Variants in ST8SIA2 observed in about 807,000 individuals in gnomAD.
The protein encoded by ST8SIA2 is ST8 alpha-N-acetyl-neuraminide alpha-2,8-sialyltransferase 2.
In ST8SIA2, 22 loss-of-function variants were observed where a neutral mutation model predicts 37.6. The observed-to-expected ratio is 0.58, with a 90% CI of 0.42 to 0.83. ST8SIA2 has a LOEUF of 0.83. Ranked by LOEUF, ST8SIA2 falls within the 40% of genes least tolerant of loss-of-function variation. The pLI is 0.00. For missense variants in ST8SIA2, 382 were observed against 484.7 expected, an observed-to-expected ratio of 0.79 and a Z score of 1.99; for synonymous variants, 205 against 201.2, an observed-to-expected ratio of 1.02 and a Z score of -0.16.
intron 1 of ST8SIA2, among the ~76,000 whole-genome samples, chr15:92,409,710 C>G (rs114476185): frequency 0.02 from 2,991 of 152,278 alleles, 109 homozygotes; most frequent in African/African-American, 0.066. Flanking sequence ...CCAATCTGCT[C>G]CTGATTAGGT....
rs1291214649 is a variant in ST8SIA2, at chr15:92,396,454, T to C, written c.98+2292T>C. On this transcript the variant is annotated intron_variant, in intron 1 of 5. Coordinates refer to ENST00000268164, the MANE Select transcript of ST8SIA2 (RefSeq NM_006011.4). ...CTGCTTACAAGTGAGGGGTTTCTTT[T>C]TGTTTGTTTGTTTTTGTTTTTTTTT... 3.3e-5 allele frequency among the ~76,000 whole-genome samples: 5 copies of C among 150,976 alleles called. No individual in the cohort carries two copies. The South Asian group carries it at 6.3e-4, about 19-fold the overall frequency.
rs140895069 is a variant in ST8SIA2 at position 92,409,944 on chromosome 15, G to A, written c.98+15782G>A. Among the ~76,000 whole-genome samples, 393 of 152,380 alleles carry A rather than the reference G, an allele frequency of 2.6e-3. 3 individuals are homozygous for A. The highest frequency in any genetic ancestry group is 0.022 in the East Asian group (115 of 5,184). ...GTACAGCATAGGGAAGGTGCTCATG[G>A]AGTTTGTGATCTGGTGGGGGAGCGA... On this transcript the variant is annotated intron_variant, in intron 1 of 5. Coordinates refer to ENST00000268164, the MANE Select transcript of ST8SIA2 (RefSeq NM_006011.4).
intron 1 of ST8SIA2, among the ~76,000 whole-genome samples, chr15:92,395,069 C>T (rs1445351958): frequency 1.3e-5 from 2 of 151,784 alleles, no homozygotes; most frequent in African/African-American, 4.9e-5. Context: ...GAGACTCGCG[C>T]CCCGCCCCGC....
At chr15:92,461,780 TG>T (rs2049959444) in intron 5 of ST8SIA2, among the ~76,000 whole-genome samples, 1 of 152,128 alleles carries the variant, frequency 6.6e-6, no homozygotes, top group South Asian at 2.1e-4. Context: ...GAGAAATGCC[TG>T]GGGGGCTACT....
At position 92,444,897 on chromosome 15, in the gene ST8SIA2, C is replaced by A. The variant is rs1375310199; in HGVS notation, c.810C>A (p.Tyr270Ter). The stretch of plus-strand genomic sequence containing the variant: ...ACCACGTCAACGTGCGCACTGCATA[C>A]CCCTCGCTGCGCCTGCTGCACGCCG... The part of the protein sequence containing the change: ...LKHHVNVRTA[Y>*]PSLRLLHAVR... The change falls in exon 5 of 6, where the codon TAC becomes TAA. Residue 270 changes from tyrosine (Y) to a stop codon, truncating the protein, a stop_gained. Transcript: ENST00000268164. LOFTEE classifies it high-confidence loss of function. The A allele has an allele frequency of 3.7e-6, 6 of 1,612,964 alleles. No homozygotes were observed. The highest frequency in any genetic ancestry group is 5.1e-6 in the Non-Finnish European group (6 of 1,180,046).
At chr15:92,422,666 G>A (rs532939034) in intron 1 of ST8SIA2, 4 of 152,772 alleles carry the variant, frequency 2.6e-5, no homozygotes, top group Admixed American at 2.6e-4. Context: ...GTCAACCAAG[G>A]CTGCGGCCCC....
chr15:92,443,631 T>C (rs3784734), intron 4 of ST8SIA2, among the ~76,000 whole-genome samples: 82,351 of 151,500 alleles, frequency 0.54, 23,206 homozygotes, highest in East Asian at 0.73. Flanking sequence ...ACAGGTCCTT[T>C]GATATCTCAC....
chr15:92,416,860 T>A (rs541047569), intron 1 of ST8SIA2, among the ~76,000 whole-genome samples: 1 of 152,308 alleles, frequency 6.6e-6, no homozygotes, highest in South Asian at 2.1e-4. Flanking sequence ...ACTCCATCCA[T>A]GAAAGCTGCA....
chr15:92,427,207 A>G (rs1363642918), intron 1 of ST8SIA2, among the ~76,000 whole-genome samples: 1 of 148,210 alleles, frequency 6.7e-6, no homozygotes, highest in African/African-American at 2.5e-5. Context: ...ATATATACAC[A>G]GTTTGTTTGT....
rs2141839465 is a variant in ST8SIA2 at position 92,444,902 on chromosome 15, C to T, written c.815C>T (p.Ser272Leu). Residue 272 changes from serine (S) to leucine (L), a missense_variant, in exon 5 of 6, where the codon TCG becomes TTG. Coordinates refer to ENST00000268164, the MANE Select transcript of ST8SIA2 (RefSeq NM_006011.4). ...GTCAACGTGCGCACTGCATACCCCTCGCTGCGCCTGCTGCACGCCGTTCGC... is the reference window on the plus strand; with the variant it reads ...GTCAACGTGCGCACTGCATACCCCTTGCTGCGCCTGCTGCACGCCGTTCGC... The part of the protein sequence containing the change: ...HHVNVRTAYP[S>L]LRLLHAVRGY... 6.2e-7 allele frequency: 1 copy of T among 1,612,826 alleles called. No individual in the cohort carries two copies. The highest frequency in any genetic ancestry group is 8.5e-7 in the Non-Finnish European group (1 of 1,180,032).
chr15:92,414,999 TG>T (rs1416665496), intron 1 of ST8SIA2, among the ~76,000 whole-genome samples: 2 of 152,200 alleles, frequency 1.3e-5, no homozygotes, highest in Non-Finnish European at 2.9e-5. Context: ...CCCAGAGCCC[TG>T]GGCTCCTAAA....
At chr15:92,411,442 G>A (rs975318234) in intron 1 of ST8SIA2, among the ~76,000 whole-genome samples, 1 of 152,118 alleles carries the variant, frequency 6.6e-6, no homozygotes, top group African/African-American at 2.4e-5. Flanking sequence ...CAGCACTCTC[G>A]GGACAGTCAG....
chr15:92,441,700 C>T (rs2049803713), intron 4 of ST8SIA2, among the ~76,000 whole-genome samples: 1 of 152,114 alleles, frequency 6.6e-6, no homozygotes, highest in Admixed American at 6.6e-5. Flanking sequence ...TTATCCCTTA[C>T]CATTTTTTGG....
chr15:92,418,777 A>G (rs1036778378), intron 1 of ST8SIA2, among the ~76,000 whole-genome samples: 8 of 152,200 alleles, frequency 5.3e-5, no homozygotes, highest in Non-Finnish European at 1.2e-4. Flanking sequence ...GGGTGTAAAT[A>G]CAGAGAAAAA....
At chr15:92,427,977 G>A (rs964634570) in intron 1 of ST8SIA2, among the ~76,000 whole-genome samples, 5 of 152,144 alleles carry the variant, frequency 3.3e-5, no homozygotes, top group African/African-American at 7.2e-5. Context: ...AGGGAGACTC[G>A]GTCTCAAAAA....
intron 1 of ST8SIA2, among the ~76,000 whole-genome samples, chr15:92,416,228 A>AG (rs762252408): frequency 0.045 from 582 of 12,966 alleles, 5 homozygotes; most frequent in East Asian, 0.098. Context: ...GGACACTTGA[A>AG]GGGGGGGTGG....
chr15:92,415,657 A>T (rs899079620), intron 1 of ST8SIA2, among the ~76,000 whole-genome samples: 1 of 152,102 alleles, frequency 6.6e-6, no homozygotes, highest in Non-Finnish European at 1.5e-5. Flanking sequence ...ACTGTTTAGA[A>T]GGAGCCAGAA....
chr15:92,435,521 G>A (rs2049750284), intron 3 of ST8SIA2, among the ~76,000 whole-genome samples: 1 of 152,112 alleles, frequency 6.6e-6, no homozygotes, highest in African/African-American at 2.4e-5. Context: ...GGAGAGAGGA[G>A]AGCAGCCATC....
intron 1 of ST8SIA2, among the ~76,000 whole-genome samples, chr15:92,409,769 C>A (rs1047555842): frequency 1.3e-4 from 20 of 152,232 alleles, no homozygotes; most frequent in African/African-American, 4.3e-4. Flanking sequence ...TGGAAAAAGG[C>A]GTCAGGACGG....
Sources: allele counts gnomAD v4.1 joint callset (sites outside exome capture counted in the v4.1 genomes callset), GRCh38; gene constraint gnomAD v4.1.1; transcripts MANE v1.5; gene names NCBI Gene and HGNC (gene_info 2026-07-23, HGNC 2026-07-21).